Variants in GPR180 observed in about 807,000 individuals in gnomAD.
GPR180 encodes the protein G protein-coupled receptor 180, also known as integral membrane protein GPR180.
Under a neutral mutation model 52.6 loss-of-function variants are expected in GPR180, and 53 were observed. The ratio of observed to expected loss-of-function variants is 1.01; its 90% CI spans 0.81 to 1.27. The LOEUF (loss-of-function observed/expected upper bound fraction) is 1.27, where lower values mean the gene tolerates loss of function less well. Ranked by LOEUF, GPR180 falls within the 50% of genes most tolerant of loss-of-function variation. The probability of loss-of-function intolerance (pLI) is 0.00; values close to 1 mark genes in which losing one functional copy is unlikely to be tolerated. For synonymous variants in GPR180, 200 were observed against 193.1 expected (o/e 1.04, Z -0.30); for missense variants, 533 against 527.0 (o/e 1.01, Z -0.11).
chr13:94,634,260 A>ATGTCATGCT lies in GPR180; in HGVS notation c.*7089_*7090insTGTCATGCT, dbSNP rs1410124675. 3 of 152,154 alleles carry ATGTCATGCT rather than the reference A, an allele frequency of 2.0e-5. No individual in the cohort carries two copies. Among genetic ancestry groups the ATGTCATGCT allele is most frequent in the Non-Finnish European group, 4.4e-5 (3 of 68,012 alleles). The allele number at this position is 152,154 out of a possible 1,614,324, so 9.4% of individuals were successfully genotyped here. Reference sequence around the variant, plus strand: ...GACTTTCTTAACGTGTTGAGTGTTAAACCCACAGGTGGTAGCATGACATTG... The same window carrying ATGTCATGCT: ...GACTTTCTTAACGTGTTGAGTGTTAATGTCATGCTACCCACAGGTGGTAGCATGACATTG... On this transcript the variant is annotated 3_prime_UTR_variant, in exon 9 of 9. Transcript: ENST00000376958.
In GPR180 at chr13:94,630,935, A is replaced by G. The variant is rs1889986734; in HGVS notation, c.*3764A>G. 6.6e-6 allele frequency: 1 copy of G among 152,314 alleles called. No individual in the cohort carries two copies. The highest frequency in any genetic ancestry group is 1.5e-5 in the Non-Finnish European group (1 of 68,096). The allele number at this position is 152,314 out of a possible 1,614,324, so 9.4% of individuals were successfully genotyped here. ...TACAAGATATAGAAGGCAGAAGTAAAGTAGCAGCCAGATCTGCATTCTTTT... is the reference window on the plus strand; with the variant it reads ...TACAAGATATAGAAGGCAGAAGTAAGGTAGCAGCCAGATCTGCATTCTTTT... On this transcript the variant is annotated 3_prime_UTR_variant, in exon 9 of 9. Transcript: ENST00000376958.
rs570807308 is a variant in GPR180 at position 94,618,420 on chromosome 13, A to ATTTTTTTTT, written c.506-715_506-707dup. On this transcript the variant is annotated intron_variant, in intron 3 of 8. Coordinates refer to ENST00000376958, the MANE Select transcript of GPR180 (RefSeq NM_180989.6). The stretch of plus-strand genomic sequence containing the variant: ...CATGGAGTCGCATGATCAGCACAGG[A>ATTTTTTTTT]TTTTTTTTTTTTTTTTTTTTTTTGG... Among the ~76,000 whole-genome samples the ATTTTTTTTT allele has an allele frequency of 5.6e-4, 49 of 87,142 alleles. 5 individuals carry two copies. The highest frequency in any genetic ancestry group is 1.8e-3 in the African/African-American group (28 of 15,836). The allele number at this position is 87,142 out of a possible 152,430, so 57.2% of individuals were successfully genotyped here.
intron 6 of GPR180, among the ~76,000 whole-genome samples, chr13:94,622,571 T>G (rs901607477): frequency 6.6e-6 from 1 of 152,198 alleles, no homozygotes; most frequent in Non-Finnish European, 1.5e-5. Flanking sequence ...TGTAAAAATA[T>G]GAACCATGGG....
intron 6 of GPR180, among the ~76,000 whole-genome samples, chr13:94,621,773 C>T (rs1176792821): frequency 6.6e-6 from 1 of 151,830 alleles, no homozygotes; most frequent in Non-Finnish European, 1.5e-5. Context: ...CAAAACTAGT[C>T]TTTTATAAAG....
chr13:94,617,053 T>C (rs2139569524), intron 3 of GPR180, among the ~76,000 whole-genome samples: 1 of 152,332 alleles, frequency 6.6e-6, no homozygotes, highest in South Asian at 2.1e-4. Flanking sequence ...ATTATTAACT[T>C]TGAATAATCC....
intron 3 of GPR180, among the ~76,000 whole-genome samples, 171 bp from the exon 4 acceptor site, chr13:94,618,979 G>A: frequency 6.6e-6 from 1 of 151,990 alleles, no homozygotes; most frequent in East Asian, 1.9e-4. Flanking sequence ...TTTGCCCCAA[G>A]GTACAAAATT....
intron 3 of GPR180, among the ~76,000 whole-genome samples, chr13:94,615,132 C>T (rs1390693655): frequency 6.6e-6 from 1 of 152,158 alleles, no homozygotes; most frequent in Admixed American, 6.5e-5. Context: ...AGTTAAAGCT[C>T]TAAAGTTGAT....
intron 6 of GPR180, 134 bp downstream of exon 6, chr13:94,621,369 T>G: frequency 3.2e-6 from 2 of 617,030 alleles, no homozygotes; most frequent in Non-Finnish European, 5.2e-6. Context: ...TTTCTGAGCT[T>G]CTACAATTTG....
At chr13:94,617,246 T>G (rs1889790588) in intron 3 of GPR180, among the ~76,000 whole-genome samples, 1 of 152,076 alleles carries the variant, frequency 6.6e-6, no homozygotes, top group Non-Finnish European at 1.5e-5. Flanking sequence ...ATATTATAAA[T>G]AAATAAAACT....
Position 94,601,877 on chromosome 13 carries a change from C to G in GPR180, c.-51C>G, listed in dbSNP as rs1000743337. On this transcript the variant is annotated 5_prime_UTR_variant, in exon 1 of 9. Transcript: ENST00000376958. ...CCCCCAGCTGCCGACGTGGGGCGGG[C>G]AGCCGCCGGCGGCTGGGAGCCGAGG... is the stretch of plus-strand genomic sequence containing the variant. 62 of 1,334,656 alleles carry G rather than the reference C, an allele frequency of 4.6e-5. No individual in the cohort carries two copies. Among genetic ancestry groups the G allele is most frequent in the Non-Finnish European group, 5.5e-5 (57 of 1,042,058 alleles). The allele number at this position is 1,334,656 out of a possible 1,614,324, so 82.7% of individuals were successfully genotyped here. A position where few individuals can be genotyped will look rare whatever the true frequency, so the allele number is the denominator to read the frequency against.
rs116418822 is a variant in GPR180 at position 94,625,234 on chromosome 13, C to G, written c.1087-732C>G. Among the ~76,000 whole-genome samples the G allele has an allele frequency of 5.5e-3, 841 of 152,284 alleles. 10 individuals carry two copies. Among genetic ancestry groups the G allele is most frequent in the African/African-American group, 0.019 (807 of 41,544 alleles). ...AAGGAGTAGCAAAAAGTTATTCTCA[C>G]CTCCTCACACAATTGCTATTAGTTC... is the stretch of plus-strand genomic sequence containing the variant. On this transcript the variant is annotated intron_variant, in intron 7 of 8. Transcript: ENST00000376958.
intron 1 of GPR180, among the ~76,000 whole-genome samples, chr13:94,603,082 A>T (rs1381309134): frequency 1.4e-5 from 2 of 148,040 alleles, no homozygotes; most frequent in Admixed American, 6.7e-5. Flanking sequence ...AGGGATCCTG[A>T]TTTTTTTTTT....
intron 5 of GPR180, among the ~76,000 whole-genome samples, chr13:94,620,249 C>T (rs899693858): frequency 1.7e-4 from 26 of 152,118 alleles, no homozygotes; most frequent in Admixed American, 7.2e-4. Flanking sequence ...TCTGTTATAA[C>T]TGACTCTTTT....
chr13:94,630,973 G>A lies in GPR180; in HGVS notation c.*3802G>A, dbSNP rs1461819166. 1 of 152,242 alleles carries A rather than the reference G, an allele frequency of 6.6e-6. No homozygotes were observed. Among genetic ancestry groups the A allele is most frequent in the African/African-American group, 2.4e-5 (1 of 41,438 alleles). The allele number at this position is 152,242 out of a possible 1,614,324, so 9.4% of individuals were successfully genotyped here. ...TCTGCATTCTTTTTGTAAGAGGAAG[G>A]GCCAGACAAGGCACAAGGCACAAGG... On this transcript the variant is annotated 3_prime_UTR_variant, in exon 9 of 9. Coordinates refer to ENST00000376958, the MANE Select transcript of GPR180 (RefSeq NM_180989.6).
chr13:94,631,245 C>A lies in GPR180; in HGVS notation c.*4074C>A, dbSNP rs1889992296. 6.6e-6 allele frequency: 1 copy of A among 152,166 alleles called. No homozygotes were observed. The highest frequency in any genetic ancestry group is 1.5e-5 in the Non-Finnish European group (1 of 68,052). The allele number at this position is 152,166 out of a possible 1,614,324, so 9.4% of individuals were successfully genotyped here. On this transcript the variant is annotated 3_prime_UTR_variant, in exon 9 of 9. Coordinates refer to ENST00000376958, the MANE Select transcript of GPR180 (RefSeq NM_180989.6). Reference sequence around the variant, plus strand: ...GGCTTCCAGTCCATCCTCACAAGTTCCACTCAGTTCCCACAGGTTCTACTC... The same window carrying A: ...GGCTTCCAGTCCATCCTCACAAGTTACACTCAGTTCCCACAGGTTCTACTC...
chr13:94,624,333 T>C (rs1889894079), intron 7 of GPR180, among the ~76,000 whole-genome samples: 1 of 152,166 alleles, frequency 6.6e-6, no homozygotes, highest in South Asian at 2.1e-4. Flanking sequence ...TTGGCCGTTA[T>C]TCTGAGGCAG....
At position 94,601,922 on chromosome 13, in the gene GPR180, A is replaced by G. The variant is rs1889557257; in HGVS notation, c.-6A>G. ...CCGAGGCGTCGGTGCAGACCTGGAG[A>G]CGGGCATGGGGGGGCTGCGGCTGCT... On this transcript the variant is annotated 5_prime_UTR_variant, in exon 1 of 9. Transcript: ENST00000376958. The G allele has an allele frequency of 6.7e-7, 1 of 1,482,202 alleles. No homozygotes were observed. The highest frequency in any genetic ancestry group is 8.9e-7 in the Non-Finnish European group (1 of 1,121,510). 91.8% of individuals were successfully genotyped at this position (1,482,202 alleles called of 1,614,324 possible).
Position 94,633,143 on chromosome 13 carries a change from G to C in GPR180, c.*5972G>C, listed in dbSNP as rs999489437. Reference sequence around the variant, plus strand: ...GTTGTTCTATTTAATTATAGAACCTGAAGGTATTGTGGGGACCCCTGAACT... The same window carrying C: ...GTTGTTCTATTTAATTATAGAACCTCAAGGTATTGTGGGGACCCCTGAACT... On this transcript the variant is annotated 3_prime_UTR_variant, in exon 9 of 9. Coordinates refer to ENST00000376958, the MANE Select transcript of GPR180 (RefSeq NM_180989.6). The C allele has an allele frequency of 3.3e-5, 5 of 152,210 alleles. No homozygotes were observed. Among genetic ancestry groups the C allele is most frequent in the African/African-American group, 1.2e-4 (5 of 41,448 alleles). 9.4% of individuals were successfully genotyped at this position (152,210 alleles called of 1,614,324 possible).
intron 2 of GPR180, among the ~76,000 whole-genome samples, chr13:94,611,895 A>G (rs1460339620): frequency 6.6e-6 from 1 of 152,268 alleles, no homozygotes; most frequent in African/African-American, 2.4e-5. Context: ...AAAAGAAAAA[A>G]AAAAAAAAGA....
Sources: gnomAD v4.1 joint callset for allele counts (sites outside exome capture counted in the v4.1 genomes callset) on GRCh38, gnomAD v4.1.1 for gene constraint, MANE v1.5 for transcripts, NCBI Gene and HGNC (gene_info 2026-07-23, HGNC 2026-07-21) for gene names.